Variants in TIAM2 observed in about 807,000 individuals in gnomAD.
TIAM2 encodes rho guanine nucleotide exchange factor TIAM2.
In TIAM2, 80 loss-of-function variants were observed where a neutral mutation model predicts 152.9. The observed-to-expected ratio is 0.52, with a 90% CI of 0.44 to 0.63. The LOEUF (loss-of-function observed/expected upper bound fraction) is 0.63. Ranked by LOEUF, TIAM2 falls within the 30% of genes least tolerant of loss-of-function variation. TIAM2 has a pLI of 0.00. For synonymous variants in TIAM2, 804 were observed against 838.0 expected (o/e 0.96, Z 0.70); for missense variants, 1,965 against 2,120.1 (o/e 0.93, Z 1.44).
At chr6:155,028,212 AC>A (rs1776664140) in intron 1 of TIAM2, among the ~76,000 whole-genome samples, 1 of 128,564 alleles carries the variant, frequency 7.8e-6, no homozygotes, top group Non-Finnish European at 1.7e-5. Flanking sequence ...TAATATATGT[AC>A]TGTGTTACAT....
chr6:155,105,657 A>G lies in TIAM2; in HGVS notation c.-118+15278A>G, dbSNP rs117221809. On this transcript the variant is annotated intron_variant, in intron 2 of 26. Coordinates refer to ENST00000682666, the MANE Select transcript of TIAM2 (RefSeq NM_012454.4). ...TTTTTCTGGTAGAGACAGTCTCCCT[A>G]TGTTGCCCAGGCTGGTCTCCTAGGC... 2.0e-4 allele frequency among the ~76,000 whole-genome samples: 30 copies of G among 149,100 alleles called. No individual in the cohort carries two copies. The East Asian group carries it at 5.6e-3, about 28-fold the overall frequency.
intron 1 of TIAM2, among the ~76,000 whole-genome samples, chr6:155,025,324 G>A (rs1305119533): frequency 6.6e-6 from 1 of 151,842 alleles, no homozygotes. Context: ...CTCCTGAGTA[G>A]CTGGGACTAC....
intron 1 of TIAM2, among the ~76,000 whole-genome samples, chr6:155,075,186 CAAAGT>C (rs1172790192): frequency 6.6e-6 from 1 of 151,932 alleles, no homozygotes; most frequent in Non-Finnish European, 1.5e-5. Context: ...TTCAAGTTGA[CAAAGT>C]AAAAAGAAAA....
chr6:155,029,186 TA>T (rs1776730408), intron 1 of TIAM2, among the ~76,000 whole-genome samples: 1 of 87,756 alleles, frequency 1.1e-5, no homozygotes, highest in Non-Finnish European at 2.4e-5. Flanking sequence ...TACTATGTGT[TA>T]TATACACTGT....
intron 7 of TIAM2, among the ~76,000 whole-genome samples, chr6:155,161,223 TA>T (rs11305317): frequency 0.47 from 70,821 of 151,894 alleles, 16,990 homozygotes; most frequent in East Asian, 0.54. Context: ...CTCACTCTGA[TA>T]ACCCCAGCTG....
chr6:155,154,771 T>C (rs1406579578), intron 7 of TIAM2, among the ~76,000 whole-genome samples: 1 of 152,098 alleles, frequency 6.6e-6, no homozygotes, highest in Non-Finnish European at 1.5e-5. Flanking sequence ...TACCAGGGGT[T>C]GCTGTGGGGA....
intron 14 of TIAM2, among the ~76,000 whole-genome samples, chr6:155,187,573 C>CTTTTTTTTTTTTTTTTTTTTTTTTTTT (rs59818801): frequency 1.2e-4 from 6 of 49,622 alleles, no homozygotes; most frequent in Non-Finnish European, 1.8e-4. Context: ...ACCCCGCCCC[C>CTTTTTTTTTTTTTTTTTTTTTTTTTTT]TTTTTTTTTT....
At chr6:155,055,566 T>TA in intron 1 of TIAM2, among the ~76,000 whole-genome samples, 1 of 152,286 alleles carries the variant, frequency 6.6e-6, no homozygotes, top group East Asian at 1.9e-4. Context: ...TGTGCTCCCT[T>TA]AATGCACATG....
chr6:155,246,227 C>T (rs1477430926), intron 19 of TIAM2, among the ~76,000 whole-genome samples: 1 of 152,136 alleles, frequency 6.6e-6, no homozygotes, highest in East Asian at 1.9e-4. Flanking sequence ...TTTCTCTCTG[C>T]GTGGGCCTGG....
At chr6:155,015,970 A>C (rs1027908121) in intron 1 of TIAM2, among the ~76,000 whole-genome samples, 1 of 151,252 alleles carries the variant, frequency 6.6e-6, no homozygotes, top group Non-Finnish European at 1.5e-5. Context: ...AAAAAAAAAA[A>C]AAACTCCAAA....
intron 14 of TIAM2, among the ~76,000 whole-genome samples, chr6:155,202,339 AAAGTAT>A (rs1781491272): frequency 6.6e-6 from 1 of 152,236 alleles, no homozygotes; most frequent in South Asian, 2.1e-4. Context: ...TTTTAAAGTA[AAAGTAT>A]GAGTAAAATT....
At chr6:155,181,228 G>A (rs887364855) in intron 12 of TIAM2, among the ~76,000 whole-genome samples, 7 of 152,178 alleles carry the variant, frequency 4.6e-5, no homozygotes, top group Admixed American at 6.5e-5. Context: ...GCATCACAGA[G>A]GGGGACACTA....
At chr6:155,238,267 A>C (rs1395465177) in intron 15 of TIAM2, among the ~76,000 whole-genome samples, 1 of 152,178 alleles carries the variant, frequency 6.6e-6, no homozygotes, top group Non-Finnish European at 1.5e-5. Context: ...ATCTGAGACC[A>C]CCTCAGCCTG....
At chr6:155,101,184 C>G (rs146652836) in intron 2 of TIAM2, among the ~76,000 whole-genome samples, 1 of 152,164 alleles carries the variant, frequency 6.6e-6, no homozygotes, top group Non-Finnish European at 1.5e-5. Flanking sequence ...GGAGAAAAAT[C>G]AGCTCCCCCG....
At chr6:155,055,557 G>A (rs1777426952) in intron 1 of TIAM2, among the ~76,000 whole-genome samples, 1 of 152,162 alleles carries the variant, frequency 6.6e-6, no homozygotes, top group Non-Finnish European at 1.5e-5. Flanking sequence ...TTTTGTGCCT[G>A]TGCTCCCTTA....
At chr6:155,178,972 G>A in intron 10 of TIAM2, 67 bp from the exon 11 acceptor site, 7 of 1,251,252 alleles carry the variant, frequency 5.6e-6, no homozygotes, top group Non-Finnish European at 8.0e-6. Context: ...TTTTTAATAA[G>A]CCTGCTAACC....
intron 2 of TIAM2, among the ~76,000 whole-genome samples, chr6:155,097,423 C>T (rs1422682922): frequency 6.6e-6 from 1 of 152,130 alleles, no homozygotes; most frequent in Admixed American, 6.5e-5. Context: ...CTCACTGCAG[C>T]CTCAAACTCC....
At chr6:155,115,773 A>G (rs1778992787) in intron 2 of TIAM2, among the ~76,000 whole-genome samples, 1 of 151,656 alleles carries the variant, frequency 6.6e-6, no homozygotes, top group Non-Finnish European at 1.5e-5. Flanking sequence ...AGGGATGATT[A>G]TGCAACCTAT....
intron 5 of TIAM2, 135 bp downstream of exon 5, chr6:155,137,747 C>A: frequency 1.1e-6 from 1 of 905,852 alleles, no homozygotes; most frequent in Non-Finnish European, 1.6e-6. Flanking sequence ...GGGCTGCCTT[C>A]ATGCAGATAC....
Sources: allele counts gnomAD v4.1 joint callset (sites outside exome capture counted in the v4.1 genomes callset), GRCh38; gene constraint gnomAD v4.1.1; transcripts MANE v1.5; gene names NCBI Gene and HGNC (gene_info 2026-07-23, HGNC 2026-07-21).